Variants in KMT2C observed in about 807,000 individuals in gnomAD.
KMT2C encodes lysine methyltransferase 2C.
In KMT2C, 88 loss-of-function variants were observed where a neutral mutation model predicts 507.9. The ratio of observed to expected loss-of-function variants is 0.17; its 90% confidence interval spans 0.15 to 0.21. KMT2C has a LOEUF of 0.21. Ranked by LOEUF, KMT2C falls within the 10% of genes least tolerant of loss-of-function variation. KMT2C has a pLI of 1.00. For missense variants in KMT2C, 4,954 were observed against 5,957.8 expected (o/e 0.83, Z 5.55); for synonymous variants, 2,049 against 2,080.8 (o/e 0.98, Z 0.42).
intron 1 of KMT2C, among the ~76,000 whole-genome samples, chr7:152,431,740 C>T (rs1427196572): frequency 6.6e-6 from 1 of 151,958 alleles, no homozygotes; most frequent in Non-Finnish European, 1.5e-5. Context: ...ATTTCAGTGC[C>T]TATTGAGTCC....
intron 25 of KMT2C, 43 bp downstream of exon 25, chr7:152,205,063 G>C (rs749072963): frequency 7.6e-7 from 1 of 1,313,084 alleles, no homozygotes; most frequent in Non-Finnish European, 1.1e-6. Flanking sequence ...AAGACCAAAG[G>C]GTTACATTAA....
chr7:152,182,893 T>C (rs2093480439), intron 35 of KMT2C, 81 bp downstream of exon 35: 3 of 1,021,460 alleles, frequency 2.9e-6, no homozygotes, highest in Non-Finnish European at 4.3e-6. Context: ...AAGAACTATA[T>C]TCTAAAATAA....
chr7:152,141,712 C>CAAAAAAAAAA (rs1249621681), intron 55 of KMT2C, among the ~76,000 whole-genome samples: 8 of 61,882 alleles, frequency 1.3e-4, no homozygotes, highest in African/African-American at 4.1e-4. Flanking sequence ...GACTCTGTCT[C>CAAAAAAAAAA]AAAAAAAAAA....
In KMT2C at chr7:152,163,357, T is replaced by G. The variant is rs532105032; in HGVS notation, c.10220A>C (p.Gln3407Pro). 6.2e-7 allele frequency: 1 copy of G among 1,614,242 alleles called. No homozygotes were observed. The highest frequency in any genetic ancestry group is 1.1e-5 in the South Asian group (1 of 91,086). Residue 3407 changes from glutamine to proline, a missense_variant, in exon 43 of 59, where the codon CAG (glutamine) becomes CCG (proline). By Grantham distance (76) the Gln-to-Pro change is moderately conservative. Coordinates refer to ENST00000262189, the MANE Select transcript of KMT2C (RefSeq NM_170606.3). The part of the protein sequence containing the change: ...ERERKERLRE[Q>P]QERQRIQLMQ... Reference sequence around the variant, plus strand: ...GAGTTGGATCCGTTGTCTCTCTTGCTGTTCTCGTAAACGTTCCTTACGTTC... The same window carrying G: ...GAGTTGGATCCGTTGTCTCTCTTGCGGTTCTCGTAAACGTTCCTTACGTTC...
rs2097423997 is a variant in KMT2C, at chr7:152,386,168, A to G, written c.162-27493T>C. ...CTGCCTGGGTTCAAATCCTGTGTCC[A>G]TGACTCACTCTGAGCCTTAGCTTCC... On this transcript the variant is annotated intron_variant, in intron 1 of 58. Coordinates refer to ENST00000262189, the MANE Select transcript of KMT2C (RefSeq NM_170606.3). Among the ~76,000 whole-genome samples the G allele has an allele frequency of 3.3e-5, 5 of 151,938 alleles. No individual in the cohort carries two copies. The South Asian group carries it at 8.3e-4, about 25-fold the overall frequency.
At chr7:152,433,202 A>G (rs1227261951) in intron 1 of KMT2C, among the ~76,000 whole-genome samples, 1 of 152,206 alleles carries the variant, frequency 6.6e-6, no homozygotes, top group African/African-American at 2.4e-5. Flanking sequence ...AAGTTAATGA[A>G]CATCTAAGTA....
chr7:152,315,458 A>G (rs769699426), intron 3 of KMT2C, 120 bp from the exon 4 acceptor site: 12 of 681,438 alleles, frequency 1.8e-5, no homozygotes, highest in African/African-American at 1.3e-4. Context: ...TAAGCTTTTC[A>G]ATCTATTTTC....
chr7:152,235,118 G>A (rs190750585), intron 16 of KMT2C, among the ~76,000 whole-genome samples: 1 of 151,938 alleles, frequency 6.6e-6, no homozygotes, highest in African/African-American at 2.4e-5. Context: ...CGGATGGCAG[G>A]GGGAATGCAG....
chr7:152,322,374 G>A (rs1445740139), intron 3 of KMT2C, among the ~76,000 whole-genome samples: 1 of 151,614 alleles, frequency 6.6e-6, no homozygotes. Context: ...AAAACAAGAA[G>A]ACACATCGAC....
chr7:152,330,505 T>TC, intron 3 of KMT2C, 96 bp downstream of exon 3: 1 of 1,227,928 alleles, frequency 8.1e-7, no homozygotes, highest in Non-Finnish European at 1.2e-6. Flanking sequence ...ACCCAGATTT[T>TC]CATCCTAAAC....
chr7:152,136,522 C>A lies in KMT2C; in HGVS notation c.*310G>T. 3.2e-6 allele frequency: 1 copy of A among 316,316 alleles called. No individual in the cohort carries two copies. Among genetic ancestry groups the A allele is most frequent in the East Asian group, 5.1e-5 (1 of 19,552 alleles). The allele number at this position is 316,316 out of a possible 1,614,324, so 19.6% of individuals were successfully genotyped here. On this transcript the variant is annotated 3_prime_UTR_variant, in exon 59 of 59. Coordinates refer to ENST00000262189, the MANE Select transcript of KMT2C (RefSeq NM_170606.3). ...GACTAGAAAACCAAAACAATGAAAC[C>A]CACCCACAAGGGAAAAACAAAACAA...
intron 13 of KMT2C, 59 bp downstream of exon 13, chr7:152,249,817 G>T (rs2095536016): frequency 2.9e-6 from 3 of 1,037,150 alleles, no homozygotes; most frequent in East Asian, 2.4e-5. Flanking sequence ...AAATGTCTTT[G>T]GGATAAAGAC....
In KMT2C at chr7:152,138,695, A is replaced by C; in HGVS notation, c.14643+101T>G. The stretch of plus-strand genomic sequence containing the variant: ...TATTATGGACAGAGTTTTTATCACA[A>C]CAAAGAATTGGGAAACAAGTGAGTA... On this transcript the variant is annotated intron_variant, in intron 58 of 58. Transcript: ENST00000262189. The surrounding 1 kb of genome is among the most constrained non-coding windows in gnomAD (Gnocchi z 4.2). The C allele has an allele frequency of 1.3e-6, 1 of 782,402 alleles. No individual in the cohort carries two copies. Among genetic ancestry groups the C allele is most frequent in the Non-Finnish European group, 2.1e-6 (1 of 470,064 alleles). 48.5% of individuals were successfully genotyped at this position (782,402 alleles called of 1,614,324 possible). A position where few individuals can be genotyped will look rare whatever the true frequency, so the allele number is the denominator to read the frequency against.
At chr7:152,155,716 TA>T (rs1280089174) in intron 46 of KMT2C, among the ~76,000 whole-genome samples, 193 bp downstream of exon 46, 3 of 152,308 alleles carry the variant, frequency 2.0e-5, no homozygotes, top group Non-Finnish European at 2.9e-5. Flanking sequence ...GATGTAGGCT[TA>T]AAAAAATGCA....
intron 3 of KMT2C, among the ~76,000 whole-genome samples, chr7:152,325,191 G>A (rs537713945): frequency 7.9e-5 from 12 of 151,248 alleles, no homozygotes; most frequent in Admixed American, 1.3e-4. Flanking sequence ...CTCTCTTGTC[G>A]CCCAGGCTGG....
chr7:152,414,253 G>GGT (rs2097711531), intron 1 of KMT2C, among the ~76,000 whole-genome samples: 2 of 150,458 alleles, frequency 1.3e-5, no homozygotes, highest in Non-Finnish European at 3.0e-5. Context: ...AGCTGGGTGT[G>GGT]GTGGCTGGCT....
Position 152,271,675 on chromosome 7 carries a change from A to G in KMT2C, c.1012+2030T>C, listed in dbSNP as rs111697372. ...AGTGACAGTGCGAGACTCCATCTCA[A>G]AAAAAAAAAAAAAAAAAAAACCCCA... On this transcript the variant is annotated intron_variant, in intron 7 of 58. Coordinates refer to ENST00000262189, the MANE Select transcript of KMT2C (RefSeq NM_170606.3). Among the ~76,000 whole-genome samples, 1,042 of 136,800 alleles carry G rather than the reference A, an allele frequency of 7.6e-3. 9 individuals are homozygous for G. The highest frequency in any genetic ancestry group is 0.027 in the African/African-American group (1,007 of 36,856). 89.7% of individuals were successfully genotyped at this position (136,800 alleles called of 152,430 possible).
rs369584883 is a variant in KMT2C, at chr7:152,311,804, A to G, written c.733T>C (p.Ser245Pro). The G allele has an allele frequency of 1.1e-5, 17 of 1,606,678 alleles. No homozygotes were observed. The highest frequency in any genetic ancestry group is 1.4e-5 in the Non-Finnish European group (17 of 1,174,954). The change falls in exon 5 of 59, where the codon TCT (serine) becomes CCT (proline). Residue 245 changes from serine (S) to proline (P), a missense_variant. Transcript: ENST00000262189. ...ATTGAAAACATGCCCATACCTGTAG[A>G]ATCAAATAAGGCTTGGATATCAATG... ...DAIDIQALFD[S>P]TGTCWAHHRC...
At chr7:152,389,068 G>T (rs1317522107) in intron 1 of KMT2C, among the ~76,000 whole-genome samples, 2 of 151,706 alleles carry the variant, frequency 1.3e-5, no homozygotes, top group Non-Finnish European at 2.9e-5. Context: ...ATTTTTAGTA[G>T]AGATGGGGTT....
Sources: allele counts gnomAD v4.1 joint callset (sites outside exome capture counted in the v4.1 genomes callset), GRCh38; gene constraint gnomAD v4.1.1; non-coding constraint Gnocchi (gnomAD v3.1); transcripts MANE v1.5; gene names NCBI Gene and HGNC (gene_info 2026-07-23, HGNC 2026-07-21).